The following WWOX variants were observed in gnomAD, a reference collection of about 807,000 sequenced individuals.
WWOX encodes WW domain containing oxidoreductase.
A neutral mutation model predicts 46.2 loss-of-function variants in WWOX; 69 were observed. That is an observed-to-expected ratio of 1.49 (90% CI 1.23 to 1.82). The LOEUF is 1.82. WWOX is among the 40% of genes most tolerant of loss of function. The pLI is 0.00. For synonymous variants in WWOX, 359 were observed against 202.6 expected, an observed-to-expected ratio of 1.77 and a Z score of -6.56; for missense variants, 919 against 542.6, an observed-to-expected ratio of 1.69 and a Z score of -6.89.
In WWOX at chr16:78,386,977, C is replaced by T. The variant is rs748827826; in HGVS notation, c.605+29C>T. The T allele has an allele frequency of 3.1e-6, 5 of 1,593,862 alleles. No homozygotes were observed. The Admixed American group carries it at 8.3e-5, about 27-fold the overall frequency. On this transcript the variant is annotated intron_variant, in intron 6 of 8. Coordinates refer to ENST00000566780, the MANE Select transcript of WWOX (RefSeq NM_016373.4). Reference sequence around the variant, plus strand: ...AGTGTTCCAGTGGAGGGTTATAGATCATAATTTCTTGCTATTGTAATATCT... The same window carrying T: ...AGTGTTCCAGTGGAGGGTTATAGATTATAATTTCTTGCTATTGTAATATCT...
At chr16:78,612,836 T>G (rs1218542441) in intron 8 of WWOX, among the ~76,000 whole-genome samples, 1 of 152,178 alleles carries the variant, frequency 6.6e-6, no homozygotes, top group Non-Finnish European at 1.5e-5. Flanking sequence ...AGGATTGCTG[T>G]AAGGATTAGA....
intron 8 of WWOX, among the ~76,000 whole-genome samples, chr16:78,735,713 A>C (rs1363854766): frequency 1.3e-5 from 2 of 152,052 alleles, no homozygotes; most frequent in Admixed American, 6.5e-5. Context: ...CTCAAGTACT[A>C]GTTCTATGTC....
At chr16:79,126,804 C>T (rs1378858478) in intron 8 of WWOX, among the ~76,000 whole-genome samples, 2 of 152,080 alleles carry the variant, frequency 1.3e-5, no homozygotes, top group African/African-American at 4.8e-5. Context: ...TGCAGAATGA[C>T]TGGATGTCCT....
In WWOX at chr16:78,600,003, C is replaced by T. The variant is rs933421107; in HGVS notation, c.1056+167251C>T. On this transcript the variant is annotated intron_variant, in intron 8 of 8. Transcript: ENST00000566780. ...GGAAAGAGGCTTAGTGGACTCACAG[C>T]TCCACATGGCTGGGGAGGCCTCACA... Among the ~76,000 whole-genome samples, 11 of 152,116 alleles carry T rather than the reference C, an allele frequency of 7.2e-5. 1 individual carries two copies. The highest frequency in any genetic ancestry group is 1.9e-4 in the African/African-American group (8 of 41,424).
intron 4 of WWOX, among the ~76,000 whole-genome samples, chr16:78,118,360 G>A (rs964901267): frequency 2.0e-5 from 3 of 152,124 alleles, no homozygotes; most frequent in Non-Finnish European, 4.4e-5. Context: ...TCAGAATAAA[G>A]CATTGTGGGT....
intron 8 of WWOX, among the ~76,000 whole-genome samples, chr16:78,621,642 T>C (rs2046189834): frequency 7.2e-6 from 1 of 138,744 alleles, no homozygotes; most frequent in African/African-American, 2.7e-5. Flanking sequence ...TCTTGCTCTG[T>C]TGTCTAGGCT....
chr16:78,975,935 C>T (rs984436146), intron 8 of WWOX, among the ~76,000 whole-genome samples: 1 of 152,210 alleles, frequency 6.6e-6, no homozygotes, highest in Non-Finnish European at 1.5e-5. Context: ...TGCCCTGCCA[C>T]CCTCCATCCC....
intron 6 of WWOX, among the ~76,000 whole-genome samples, chr16:78,422,450 T>G (rs1387115293): frequency 6.6e-6 from 1 of 150,990 alleles, no homozygotes; most frequent in East Asian, 1.9e-4. Flanking sequence ...GCTCAAGTAA[T>G]CCTCCTATCT....
intron 4 of WWOX, among the ~76,000 whole-genome samples, chr16:78,160,228 G>C (rs2034748224): frequency 6.6e-6 from 1 of 151,882 alleles, no homozygotes; most frequent in Non-Finnish European, 1.5e-5. Context: ...TGTCACCCAG[G>C]CTGGAGTGAA....
intron 6 of WWOX, among the ~76,000 whole-genome samples, chr16:78,394,113 G>T (rs117213836): frequency 0.01 from 1,576 of 152,210 alleles, 19 homozygotes; most frequent in East Asian, 0.034. Flanking sequence ...AGACCAACGT[G>T]TAAATTACAT....
intron 5 of WWOX, among the ~76,000 whole-genome samples, chr16:78,376,748 G>T (rs1369384069): frequency 6.6e-6 from 1 of 152,144 alleles, no homozygotes; most frequent in Non-Finnish European, 1.5e-5. Flanking sequence ...ATTAGCAGAT[G>T]TCTGCTAGCA....
intron 8 of WWOX, chr16:78,890,880 A>T (rs2044575161): frequency 6.6e-6 from 1 of 152,212 alleles, no homozygotes; most frequent in South Asian, 2.1e-4. Context: ...CTTTAGGTAC[A>T]TTCCTGCACC....
intron 8 of WWOX, among the ~76,000 whole-genome samples, chr16:78,969,574 C>G (rs1043979729): frequency 6.6e-6 from 1 of 152,270 alleles, no homozygotes; most frequent in Non-Finnish European, 1.5e-5. Flanking sequence ...CCCAGCCACT[C>G]TCTTTCAACT....
At chr16:78,171,523 G>T (rs745917925) in intron 5 of WWOX, among the ~76,000 whole-genome samples, 1 of 152,106 alleles carries the variant, frequency 6.6e-6, no homozygotes, top group Admixed American at 6.6e-5. Flanking sequence ...CCTCATGCCT[G>T]TCTAAGCTGG....
At chr16:79,003,407 C>G (rs565900470) in intron 8 of WWOX, among the ~76,000 whole-genome samples, 1 of 152,162 alleles carries the variant, frequency 6.6e-6, no homozygotes, top group African/African-American at 2.4e-5. Flanking sequence ...CACCGTGAGG[C>G]CTCTTCCGCT....
At chr16:78,539,928 A>G (rs2043848049) in intron 8 of WWOX, among the ~76,000 whole-genome samples, 1 of 151,974 alleles carries the variant, frequency 6.6e-6, no homozygotes, top group South Asian at 2.1e-4. Context: ...CCACACTTAC[A>G]TTTAAATACA....
intron 8 of WWOX, among the ~76,000 whole-genome samples, chr16:78,462,991 C>T (rs947573861): frequency 2.6e-5 from 4 of 152,198 alleles, no homozygotes; most frequent in African/African-American, 9.6e-5. Flanking sequence ...CTGATCTCTC[C>T]TCTTTGCAGG....
intron 8 of WWOX, among the ~76,000 whole-genome samples, chr16:78,940,778 A>G (rs370881168): frequency 2.5e-4 from 34 of 135,554 alleles, no homozygotes; most frequent in East Asian, 2.2e-3. Context: ...CCTGTTTGTT[A>G]TCTTATTGTC....
chr16:78,515,571 A>G (rs988902464), intron 8 of WWOX, among the ~76,000 whole-genome samples: 1 of 152,176 alleles, frequency 6.6e-6, no homozygotes, highest in Admixed American at 6.5e-5. Context: ...GTCTGGTGGA[A>G]CCATCCGGGC....
Sources: allele counts gnomAD v4.1 joint callset (sites outside exome capture counted in the v4.1 genomes callset), GRCh38; gene constraint gnomAD v4.1.1; transcripts MANE v1.5; gene names NCBI Gene and HGNC (gene_info 2026-07-23, HGNC 2026-07-21).